The following ATP2C2 variants were observed in gnomAD, a reference collection of about 807,000 sequenced individuals.
The protein encoded by ATP2C2 is ATPase secretory pathway Ca2+ transporting 2.
In ATP2C2, 171 loss-of-function variants were observed where a neutral mutation model predicts 110.8. The ratio of observed to expected loss-of-function variants is 1.54; its 90% confidence interval spans 1.36 to 1.75. ATP2C2 has a LOEUF of 1.75. ATP2C2 is among the 40% of genes most tolerant of loss of function. The pLI is 0.00. For missense variants in ATP2C2, 1,963 were observed against 1,235.0 expected, an observed-to-expected ratio of 1.59 and a Z score of -8.84; for synonymous variants, 804 against 508.4, an observed-to-expected ratio of 1.58 and a Z score of -7.82.
At chr16:84,398,058 T>G (rs1905099164) in intron 1 of ATP2C2, among the ~76,000 whole-genome samples, 1 of 151,716 alleles carries the variant, frequency 6.6e-6, no homozygotes. Context: ...AAGGGTTAGT[T>G]TGTGAGCTGT....
chr16:84,428,191 A>C (rs1412310135), intron 11 of ATP2C2, among the ~76,000 whole-genome samples: 1 of 152,206 alleles, frequency 6.6e-6, no homozygotes, highest in East Asian at 1.9e-4. Context: ...TCTTGCTTTA[A>C]GGGTTGAGTG....
At chr16:84,435,262 A>G (rs1908635130) in intron 11 of ATP2C2, among the ~76,000 whole-genome samples, 1 of 152,268 alleles carries the variant, frequency 6.6e-6, no homozygotes, top group East Asian at 1.9e-4. Context: ...ACATGGTGTT[A>G]CTGATTAATT....
At chr16:84,448,317 G>T (rs1485002830) in intron 16 of ATP2C2, among the ~76,000 whole-genome samples, 2 of 152,180 alleles carry the variant, frequency 1.3e-5, no homozygotes, top group Non-Finnish European at 2.9e-5. Context: ...TTGAAGATTG[G>T]CCTTGTTCTT....
At chr16:84,462,474 G>A (rs1911478051) in intron 26 of ATP2C2, 2 of 210,066 alleles carry the variant, frequency 9.5e-6, no homozygotes, top group Admixed American at 1.0e-4. Flanking sequence ...TACCCCAGCT[G>A]GGGAGCCTGG....
chr16:84,371,194 C>A (rs1379316772), intron 1 of ATP2C2, among the ~76,000 whole-genome samples: 2 of 152,142 alleles, frequency 1.3e-5, no homozygotes, highest in Non-Finnish European at 2.9e-5. Flanking sequence ...GCACTGGAGA[C>A]TGGATTTCAG....
chr16:84,460,402 G>A (rs1268243990), intron 23 of ATP2C2: 2 of 567,094 alleles, frequency 3.5e-6, no homozygotes, highest in Non-Finnish European at 6.4e-6. Flanking sequence ...AACTGTGTGT[G>A]GTTGGCCTTA....
At position 84,405,332 on chromosome 16, in the gene ATP2C2, G is replaced by C. The variant is rs1442662162; in HGVS notation, c.327+88G>C. ...TTCCATCTTTCAATGTTGATGGAAG[G>C]CATCCTTGGACAGCTCCCGCCCCTT... On this transcript the variant is annotated intron_variant, in intron 3 of 26. Transcript: ENST00000262429. The C allele has an allele frequency of 5.9e-6, 7 of 1,183,584 alleles. No homozygotes were observed. In the East Asian group the frequency reaches 9.6e-5, roughly 16 times the overall value. The allele number at this position is 1,183,584 out of a possible 1,614,324, so 73.3% of individuals were successfully genotyped here.
chr16:84,435,639 A>G (rs690959), intron 11 of ATP2C2, among the ~76,000 whole-genome samples: 1 of 152,086 alleles, frequency 6.6e-6, no homozygotes, highest in Non-Finnish European at 1.5e-5. Context: ...CAGCCTGGGT[A>G]ACAGAGTGAG....
rs1483259768 is a variant in ATP2C2, at chr16:84,452,064, G to A, written c.1804G>A (p.Asp602Asn). 4 of 1,613,888 alleles carry A rather than the reference G, an allele frequency of 2.5e-6. No individual in the cohort carries two copies. Among genetic ancestry groups the A allele is most frequent in the Admixed American group, 1.7e-5 (1 of 59,986 alleles). The stretch of plus-strand genomic sequence containing the variant: ...TGTGTCTGTGAAGATGATAACGGGG[G>A]ATGCCCTGGAGACGGCCTTGGCCAT... ...SGVSVKMITG[D>N]ALETALAIGR... Residue 602 changes from aspartate to asparagine, a missense_variant, in exon 18 of 27, where the codon GAT becomes AAT. Physicochemically the swap from Asp to Asn is conservative, Grantham distance 23 (BLOSUM62 1). Transcript: ENST00000262429.
chr16:84,413,666 G>A (rs908168412), intron 6 of ATP2C2, among the ~76,000 whole-genome samples: 2 of 152,148 alleles, frequency 1.3e-5, no homozygotes, highest in African/African-American at 2.4e-5. Context: ...TCTAAAAGAC[G>A]GTTTTATGTA....
chr16:84,377,249 G>C (rs1910301912), intron 1 of ATP2C2, among the ~76,000 whole-genome samples: 1 of 152,194 alleles, frequency 6.6e-6, no homozygotes, highest in Non-Finnish European at 1.5e-5. Context: ...CTAAGTCTTA[G>C]CAAGTAGTGG....
Position 84,448,519 on chromosome 16 carries a change from T to C in ATP2C2, c.1504-14T>C, listed in dbSNP as rs552160134. On this transcript the variant is annotated splice_polypyrimidine_tract_variant and intron_variant, in intron 16 of 26. Transcript: ENST00000262429. ...TCCAGTGATAGTGGATTTCTTCCCT[T>C]TGTCTTTTCTAAGGATCAGGAAGAC... 5.6e-6 allele frequency: 9 copies of C among 1,601,938 alleles called. No homozygotes were observed. In the South Asian group the frequency reaches 7.8e-5, roughly 14 times the overall value.
At chr16:84,423,451 A>G (rs1907537104) in intron 10 of ATP2C2, among the ~76,000 whole-genome samples, 188 bp downstream of exon 10, 1 of 152,228 alleles carries the variant, frequency 6.6e-6, no homozygotes. Context: ...TGCTGTAACA[A>G]GCAGCCACTA....
At chr16:84,459,418 T>G (rs1187791538) in intron 23 of ATP2C2, 32 bp downstream of exon 23, 1 of 1,609,294 alleles carries the variant, frequency 6.2e-7, no homozygotes, top group African/African-American at 1.3e-5. Flanking sequence ...GCCCTGTGTC[T>G]CTTTACCCAC....
intron 15 of ATP2C2, among the ~76,000 whole-genome samples, chr16:84,443,569 C>T (rs1294746288): frequency 2.0e-5 from 3 of 152,342 alleles, no homozygotes; most frequent in Middle Eastern, 6.8e-3. Context: ...ACCACTCCTG[C>T]CTGTTCTCAC....
chr16:84,411,291 T>TA (rs1168819190), intron 6 of ATP2C2, among the ~76,000 whole-genome samples: 3 of 148,744 alleles, frequency 2.0e-5, no homozygotes, highest in African/African-American at 7.4e-5. Flanking sequence ...GCACGGCTCT[T>TA]ACCAAAGATG....
Position 84,462,830 on chromosome 16 carries a change from G to A in ATP2C2, c.2722+701G>A, listed in dbSNP as rs138725392. On this transcript the variant is annotated intron_variant, in intron 26 of 26. Transcript: ENST00000262429. ...GCCCCCATGGGCCCACCGCCTCCCC[G>A]CCGGCAGGGCCCAGAGTGGGTCATG... The A allele has an allele frequency of 1.0e-2, 1,526 of 153,026 alleles. 28 individuals carry two copies. Among genetic ancestry groups the A allele is most frequent in the African/African-American group, 0.034 (1,424 of 41,566 alleles). The allele number at this position is 153,026 out of a possible 1,614,324, so 9.5% of individuals were successfully genotyped here. A position where few individuals can be genotyped will look rare whatever the true frequency, so the allele number is the denominator to read the frequency against.
chr16:84,414,371 C>A (rs909225749), intron 6 of ATP2C2, among the ~76,000 whole-genome samples: 1 of 152,226 alleles, frequency 6.6e-6, no homozygotes, highest in East Asian at 1.9e-4. Context: ...ACTGGGGTTG[C>A]ATTGGTTCTT....
At chr16:84,425,961 C>G in intron 11 of ATP2C2, 160 bp downstream of exon 11, 1 of 802,738 alleles carries the variant, frequency 1.2e-6, no homozygotes, top group Non-Finnish European at 2.1e-6. Flanking sequence ...TGTTCTCCGA[C>G]AGGTACAGAG....
Sources: allele counts gnomAD v4.1 joint callset (sites outside exome capture counted in the v4.1 genomes callset), GRCh38; gene constraint gnomAD v4.1.1; transcripts MANE v1.5; gene names NCBI Gene and HGNC (gene_info 2026-07-23, HGNC 2026-07-21).